FBXL17: variants seen among roughly 807,000 people sequenced by gnomAD.
FBXL17 encodes the protein F-box/LRR-repeat protein 17.
A neutral mutation model predicts 66.2 loss-of-function variants in FBXL17; 22 were observed. The observed-to-expected ratio is 0.33, with a 90% CI of 0.24 to 0.47. The LOEUF is 0.47. Ranked by LOEUF, FBXL17 falls within the 20% of genes least tolerant of loss-of-function variation. The pLI, the probability that FBXL17 is intolerant of heterozygous loss-of-function variation, is 1.00. For missense variants in FBXL17, 878 were observed against 948.2 expected, an observed-to-expected ratio of 0.93 and a Z score of 0.97; for synonymous variants, 474 against 400.5, an observed-to-expected ratio of 1.18 and a Z score of -2.19.
intron 6 of FBXL17, among the ~76,000 whole-genome samples, chr5:108,154,194 A>C (rs1253665301): frequency 6.6e-6 from 1 of 151,314 alleles, no homozygotes; most frequent in Non-Finnish European, 1.5e-5. Flanking sequence ...AGAATGAGAG[A>C]GAGAGAGAGG....
chr5:107,926,934 T>G (rs1750542424), intron 7 of FBXL17, among the ~76,000 whole-genome samples: 1 of 152,134 alleles, frequency 6.6e-6, no homozygotes. Flanking sequence ...CAAAGCACAA[T>G]AAAATTACCG....
At chr5:107,916,125 A>G (rs1216897280) in intron 7 of FBXL17, among the ~76,000 whole-genome samples, 1 of 152,204 alleles carries the variant, frequency 6.6e-6, no homozygotes, top group African/African-American at 2.4e-5. Flanking sequence ...GGCAGTGTAC[A>G]TGGTGCAGTA....
intron 7 of FBXL17, among the ~76,000 whole-genome samples, chr5:107,988,975 G>T (rs1218971385): frequency 6.6e-6 from 1 of 151,848 alleles, no homozygotes; most frequent in African/African-American, 2.4e-5. Flanking sequence ...TTTGCCCATG[G>T]GGATGTCTTC....
intron 6 of FBXL17, among the ~76,000 whole-genome samples, chr5:108,121,988 A>G (rs1750521356): frequency 6.6e-6 from 1 of 152,168 alleles, no homozygotes; most frequent in Non-Finnish European, 1.5e-5. Context: ...AAAGACTAAT[A>G]CTCTAATTCT....
chr5:108,256,396 C>A (rs1756579551), intron 4 of FBXL17, among the ~76,000 whole-genome samples: 1 of 151,964 alleles, frequency 6.6e-6, no homozygotes, highest in African/African-American at 2.4e-5. Context: ...TATATAGGCA[C>A]CTGGCTTGAA....
At chr5:108,166,467 T>C (rs968979085) in intron 6 of FBXL17, among the ~76,000 whole-genome samples, 3 of 151,920 alleles carry the variant, frequency 2.0e-5, no homozygotes, top group Non-Finnish European at 2.9e-5. Context: ...TGATGTGTTA[T>C]AGTCTTTTTA....
chr5:108,011,060 C>T (rs1280185451), intron 7 of FBXL17, among the ~76,000 whole-genome samples: 3 of 152,186 alleles, frequency 2.0e-5, no homozygotes, highest in African/African-American at 7.2e-5. Flanking sequence ...CTGTGATAAA[C>T]ATACAATATA....
intron 5 of FBXL17, among the ~76,000 whole-genome samples, chr5:108,202,877 C>G (rs142761130): frequency 6.6e-6 from 1 of 152,060 alleles, no homozygotes; most frequent in African/African-American, 2.4e-5. Context: ...TGCTATAGTA[C>G]GAGTTTTTTA....
chr5:107,878,525 C>T (rs1258344744), intron 8 of FBXL17: 1 of 872,962 alleles, frequency 1.1e-6, no homozygotes, highest in African/African-American at 1.8e-5. Context: ...GGTGACACAA[C>T]TAGTAAGTGC....
chr5:108,379,175 AAATGTTT>A (rs1749660166), intron 1 of FBXL17, among the ~76,000 whole-genome samples: 1 of 152,156 alleles, frequency 6.6e-6, no homozygotes, highest in Non-Finnish European at 1.5e-5. Flanking sequence ...CTCGGCATTA[AAATGTTT>A]TTTACCTCAT....
At chr5:107,986,691 G>T (rs1405745753) in intron 7 of FBXL17, among the ~76,000 whole-genome samples, 1 of 151,730 alleles carries the variant, frequency 6.6e-6, no homozygotes, top group Non-Finnish European at 1.5e-5. Flanking sequence ...ACAAGAACTT[G>T]ATATTCTCAT....
intron 4 of FBXL17, among the ~76,000 whole-genome samples, chr5:108,243,760 C>T (rs2150104359): frequency 6.6e-6 from 1 of 152,138 alleles, no homozygotes; most frequent in East Asian, 1.9e-4. Flanking sequence ...TTAAATCTAC[C>T]ATACAGATCA....
intron 1 of FBXL17, among the ~76,000 whole-genome samples, chr5:108,380,034 T>C (rs571740825): frequency 6.6e-6 from 1 of 152,320 alleles, no homozygotes; most frequent in East Asian, 1.9e-4. Flanking sequence ...TTTCTGTATG[T>C]GACCTTGCAC....
intron 7 of FBXL17, among the ~76,000 whole-genome samples, chr5:108,006,484 C>T (rs148474728): frequency 3.2e-4 from 49 of 152,242 alleles, no homozygotes; most frequent in Middle Eastern, 3.4e-3. Flanking sequence ...ATGCCATTTA[C>T]ACAGGGAAGA....
chr5:108,303,029 A>C (rs73214582), intron 4 of FBXL17, among the ~76,000 whole-genome samples: 4,292 of 151,934 alleles, frequency 0.028, 223 homozygotes, highest in African/African-American at 0.098. Context: ...TCACCATTAC[A>C]TTTAAGCCCT....
chr5:108,125,311 A>G (rs1750655984), intron 6 of FBXL17, among the ~76,000 whole-genome samples: 1 of 152,092 alleles, frequency 6.6e-6, no homozygotes, highest in South Asian at 2.1e-4. Flanking sequence ...TAAAAATTAA[A>G]TAAATAAGTA....
intron 4 of FBXL17, among the ~76,000 whole-genome samples, chr5:108,239,547 A>G (rs1193004620): frequency 6.6e-6 from 1 of 152,218 alleles, no homozygotes; most frequent in Non-Finnish European, 1.5e-5. Context: ...TCATCCCAGC[A>G]GTCAAAACCT....
chr5:108,275,167 G>A (rs375650731), intron 4 of FBXL17, among the ~76,000 whole-genome samples: 10 of 152,276 alleles, frequency 6.6e-5, no homozygotes, highest in South Asian at 4.2e-4. Flanking sequence ...AAATGCAAAT[G>A]TGCAACTTAT....
rs73778626 is a variant in FBXL17, at chr5:108,026,939, G to C, written c.1746-5938C>G. 5.0e-3 allele frequency among the ~76,000 whole-genome samples: 762 copies of C among 152,148 alleles called. 4 individuals are homozygous for C. Among genetic ancestry groups the C allele is most frequent in the African/African-American group, 0.017 (722 of 41,526 alleles). On this transcript the variant is annotated intron_variant, in intron 6 of 8. Transcript: ENST00000542267. The stretch of plus-strand genomic sequence containing the variant: ...CGGGTTTGCATCTTTGCCAACAGAG[G>C]GTGTCCTTTAAGGAAAAGGAGGCAG...
Sources: allele counts gnomAD v4.1 joint callset (sites outside exome capture counted in the v4.1 genomes callset), GRCh38; gene constraint gnomAD v4.1.1; transcripts MANE v1.5; gene names NCBI Gene and HGNC (gene_info 2026-07-23, HGNC 2026-07-21).